DDX60: variants seen among roughly 807,000 people sequenced by gnomAD.
The protein encoded by DDX60 is probable ATP-dependent RNA helicase DDX60.
DDX60 carries 165 observed loss-of-function variants against 212.8 expected under a neutral mutation model. The ratio of observed to expected loss-of-function variants is 0.78; its 90% CI spans 0.68 to 0.88. The LOEUF (loss-of-function observed/expected upper bound fraction) is 0.88. Ranked by LOEUF, DDX60 falls within the 40% of genes least tolerant of loss-of-function variation. The probability of loss-of-function intolerance (pLI) is 0.00; values close to 1 mark genes in which losing one functional copy is unlikely to be tolerated. For synonymous variants in DDX60, 703 were observed against 685.3 expected, an observed-to-expected ratio of 1.03 and a Z score of -0.40; for missense variants, 1,905 against 2,003.9, an observed-to-expected ratio of 0.95 and a Z score of 0.94.
At chr4:168,320,942 C>A (rs1703758697), upstream of DDX60, among the ~76,000 whole-genome samples, 1 of 152,196 alleles carries the variant, frequency 6.6e-6, no homozygotes, top group African/African-American at 2.4e-5. Flanking sequence ...GCTTCAAATT[C>A]TACAACTGAA....
intron 14 of DDX60, among the ~76,000 whole-genome samples, chr4:168,279,322 T>G (rs941879613): frequency 6.6e-6 from 1 of 152,188 alleles, no homozygotes; most frequent in South Asian, 2.1e-4. Flanking sequence ...CAAATCTGTT[T>G]TTGTTGAAAA....
chr4:168,252,937 T>G (rs1352609911), intron 26 of DDX60, among the ~76,000 whole-genome samples: 1 of 152,160 alleles, frequency 6.6e-6, no homozygotes, highest in Non-Finnish European at 1.5e-5. Flanking sequence ...CCCGAGTAGC[T>G]GGGATTACAG....
rs549856846 is a variant in DDX60, at chr4:168,311,403, A to C, written c.-106-38T>G. 5.1e-6 allele frequency: 4 copies of C among 790,052 alleles called. No individual in the cohort carries two copies. The South Asian group carries it at 5.3e-5, about 10-fold the overall frequency. The allele number at this position is 790,052 out of a possible 1,614,324, so 48.9% of individuals were successfully genotyped here. On this transcript the variant is annotated intron_variant, in intron 1 of 37. Transcript: ENST00000393743. ...AAAAGAAAATGAGTCTTTATTCAACAAACATGTATTGAATGACTACTATAT... is the reference window on the plus strand; with the variant it reads ...AAAAGAAAATGAGTCTTTATTCAACCAACATGTATTGAATGACTACTATAT...
At chr4:168,284,730 A>C in intron 12 of DDX60, 90 bp downstream of exon 12, 2 of 610,930 alleles carry the variant, frequency 3.3e-6, no homozygotes, top group Non-Finnish European at 5.3e-6. Flanking sequence ...AAAAAATTTA[A>C]TTTGTGTCTT....
intron 8 of DDX60, among the ~76,000 whole-genome samples, chr4:168,289,687 C>A (rs1736002991): frequency 6.6e-6 from 1 of 152,120 alleles, no homozygotes; most frequent in Admixed American, 6.6e-5. Flanking sequence ...ACCATTGATC[C>A]TTCCCCACTA....
At chr4:168,218,356 CA>C (rs1267012989) in intron 37 of DDX60, among the ~76,000 whole-genome samples, 1 of 152,146 alleles carries the variant, frequency 6.6e-6, no homozygotes, top group Non-Finnish European at 1.5e-5. Flanking sequence ...ACATCCTTAA[CA>C]AAAATAGGAA....
intron 30 of DDX60, among the ~76,000 whole-genome samples, chr4:168,245,105 C>T (rs1733978333): frequency 6.6e-6 from 1 of 152,088 alleles, no homozygotes; most frequent in Non-Finnish European, 1.5e-5. Context: ...ATATGCATTT[C>T]ACCGCAATAA....
In DDX60 at chr4:168,285,361, T is replaced by C. The variant is rs763192081; in HGVS notation, c.1445+32A>G. The C allele has an allele frequency of 3.2e-6, 4 of 1,268,314 alleles. No homozygotes were observed. The Admixed American group carries it at 7.1e-5, about 22-fold the overall frequency. 78.6% of individuals were successfully genotyped at this position (1,268,314 alleles called of 1,614,324 possible). ...GAGTAACTCATGTATTCCACACAAG[T>C]ATTTATTGAGGCACAGTTTTTGGCC... On this transcript the variant is annotated intron_variant, in intron 11 of 37. Transcript: ENST00000393743.
chr4:168,277,908 G>A (rs72693153), intron 14 of DDX60, among the ~76,000 whole-genome samples: 7,259 of 151,014 alleles, frequency 0.048, 273 homozygotes, highest in East Asian at 0.14. Flanking sequence ...ATGAAATCTC[G>A]CACCATCTCA....
intron 33 of DDX60, among the ~76,000 whole-genome samples, chr4:168,228,233 A>C (rs1477453934): frequency 6.6e-6 from 1 of 152,114 alleles, no homozygotes; most frequent in African/African-American, 2.4e-5. Flanking sequence ...GTAAAAATAC[A>C]ATATTATATT....
the DDX60 span, among the ~76,000 whole-genome samples, chr4:168,324,889 T>C: frequency 4.6e-5 from 7 of 152,222 alleles, no homozygotes; most frequent in Non-Finnish European, 1.0e-4. Flanking sequence ...CTGCAAAGAC[T>C]GTGTGCAACA....
At chr4:168,249,583 A>G (rs1484600124) in intron 28 of DDX60, among the ~76,000 whole-genome samples, 1 of 152,200 alleles carries the variant, frequency 6.6e-6, no homozygotes, top group Non-Finnish European at 1.5e-5. Flanking sequence ...CACTATTTTC[A>G]TAGTACCTTT....
rs115029779 is a variant in DDX60 at position 168,293,331 on chromosome 4, C to T, written c.882+456G>A. 9.7e-3 allele frequency among the ~76,000 whole-genome samples: 1,470 copies of T among 152,244 alleles called. 16 individuals carry two copies. The highest frequency in any genetic ancestry group is 0.033 in the African/African-American group (1,374 of 41,540). On this transcript the variant is annotated intron_variant, in intron 7 of 37. Transcript: ENST00000393743. ...ATTGTGGAACTTGCACAAGATGGAC[C>T]GGAGTTCAATCCACCTTGCTATTTA...
intron 28 of DDX60, among the ~76,000 whole-genome samples, chr4:168,249,849 G>A (rs1734151972): frequency 6.6e-6 from 1 of 151,894 alleles, no homozygotes; most frequent in Non-Finnish European, 1.5e-5. Context: ...TAACTATGAT[G>A]TCAGATTTTC....
At chr4:168,224,124 C>G (rs913750950) in intron 35 of DDX60, 119 bp downstream of exon 35, 12 of 1,076,264 alleles carry the variant, frequency 1.1e-5, no homozygotes, top group Non-Finnish European at 1.4e-5. Flanking sequence ...TGTTGATACA[C>G]CCAGATTTTT....
chr4:168,266,181 T>C (rs1734840689), intron 22 of DDX60, among the ~76,000 whole-genome samples: 1 of 152,214 alleles, frequency 6.6e-6, no homozygotes, highest in Non-Finnish European at 1.5e-5. Context: ...AAGTTCTCTA[T>C]GCCTCACTTT....
At chr4:168,314,808 T>C (rs1048757907) in intron 1 of DDX60, among the ~76,000 whole-genome samples, 6 of 152,194 alleles carry the variant, frequency 3.9e-5, no homozygotes, top group African/African-American at 4.8e-5. Flanking sequence ...CAAAGATATA[T>C]ACTTAAACTA....
rs1579042094 is a variant in DDX60, at chr4:168,279,952, A to C, written c.1978+383T>G. On this transcript the variant is annotated intron_variant, in intron 14 of 37. Transcript: ENST00000393743. ...CAACCTTCACAGAGACACTTTGATG[A>C]GTTAAAAAGTGACAACAGTGGCTGG... is the stretch of plus-strand genomic sequence containing the variant. Among the ~76,000 whole-genome samples, 7 of 152,196 alleles carry C rather than the reference A, an allele frequency of 4.6e-5. 1 individual carries two copies. Among genetic ancestry groups the C allele is most frequent in the Admixed American group, 3.9e-4 (6 of 15,284 alleles).
intron 30 of DDX60, among the ~76,000 whole-genome samples, chr4:168,245,149 A>G (rs1035352551): frequency 1.3e-5 from 2 of 152,216 alleles, no homozygotes; most frequent in Non-Finnish European, 2.9e-5. Flanking sequence ...GAAAGGTCTC[A>G]TATAATAACT....
Sources: allele counts gnomAD v4.1 joint callset (sites outside exome capture counted in the v4.1 genomes callset), GRCh38; gene constraint gnomAD v4.1.1; transcripts MANE v1.5; gene names NCBI Gene and HGNC (gene_info 2026-07-23, HGNC 2026-07-21).